Variants in HTT observed in about 807,000 individuals in gnomAD.
HTT encodes the protein huntingtin, also known as huntington disease protein.
Under a neutral mutation model 362.3 loss-of-function variants are expected in HTT, and 104 were observed. That is an observed-to-expected ratio of 0.29 (90% CI 0.24 to 0.34). HTT has a LOEUF of 0.34. Ranked by LOEUF, HTT falls within the 10% of genes least tolerant of loss-of-function variation. The probability of loss-of-function intolerance (pLI) is 1.00; values close to 1 mark genes in which losing one functional copy is unlikely to be tolerated. For synonymous variants in HTT, 1,577 were observed against 1,548.7 expected (o/e 1.02, Z -0.43); for missense variants, 3,301 against 3,928.6 (o/e 0.84, Z 4.27).
intron 4 of HTT, 43 bp from the exon 5 acceptor site, chr4:3,105,314 C>G: frequency 1.6e-6 from 2 of 1,270,228 alleles, no homozygotes; most frequent in Non-Finnish European, 2.3e-6. Flanking sequence ...CTCTTGGTGA[C>G]TAGTATGTGA....
intron 6 of HTT, among the ~76,000 whole-genome samples, chr4:3,108,723 A>G (rs1714566794): frequency 1.3e-5 from 2 of 152,100 alleles, no homozygotes; most frequent in African/African-American, 2.4e-5. Context: ...CTATTCTGCT[A>G]CCTCTCTGCT....
At chr4:3,142,981 C>A in intron 23 of HTT, 95 bp downstream of exon 23, 4 of 930,320 alleles carry the variant, frequency 4.3e-6, no homozygotes, top group Non-Finnish European at 6.7e-6. Context: ...CGGTGAGGTG[C>A]TTGTCTTACA....
At chr4:3,116,691 A>G (rs1420852677) in intron 8 of HTT, among the ~76,000 whole-genome samples, 2 of 152,182 alleles carry the variant, frequency 1.3e-5, no homozygotes, top group Non-Finnish European at 2.9e-5. Context: ...ACGGTGGTAT[A>G]TGCTCACTCA....
Position 3,206,726 on chromosome 4 carries a change from A to G in HTT, c.5898+51A>G. On this transcript the variant is annotated intron_variant, in intron 43 of 66. Coordinates refer to ENST00000355072, the MANE Select transcript of HTT (RefSeq NM_001388492.1). This position sits in a 1 kb window ranked among gnomAD's most constrained non-coding sequence, Gnocchi z 4.6. ...GCCAGTTGCAGTTTTCCCTGCCTTA[A>G]AAATGGAGTATTGAAATTTTTAACT... The G allele has an allele frequency of 1.3e-6, 2 of 1,593,754 alleles. No individual in the cohort carries two copies. The highest frequency in any genetic ancestry group is 1.7e-6 in the Non-Finnish European group (2 of 1,166,312).
rs1714381315 is a variant in HTT at position 3,105,549 on chromosome 4, G to A, written c.608+113G>A. ...TCTGCTCTGCCCTCTCCAAATTGCA[G>A]TCGACCTTGCCCTGTTTATGTTTCC... is the stretch of plus-strand genomic sequence containing the variant. On this transcript the variant is annotated intron_variant, in intron 5 of 66. Coordinates refer to ENST00000355072, the MANE Select transcript of HTT (RefSeq NM_001388492.1). 12 of 745,584 alleles carry A rather than the reference G, an allele frequency of 1.6e-5. No individual in the cohort carries two copies. The East Asian group carries it at 2.8e-4, about 17-fold the overall frequency. 46.2% of individuals were successfully genotyped at this position (745,584 alleles called of 1,614,324 possible).
In HTT at chr4:3,228,355, A is replaced by G. The variant is rs1159897041; in HGVS notation, c.7849-260A>G. 6.6e-6 allele frequency among the ~76,000 whole-genome samples: 1 copy of G among 151,888 alleles called. No individual in the cohort carries two copies. Among genetic ancestry groups the G allele is most frequent in the Non-Finnish European group, 1.5e-5 (1 of 67,964 alleles). ...CCTTCGTAGAGCCTCTTTCTGTGTC[A>G]CCCTCCTCAGCTGCTCCTGGGGTTG... On this transcript the variant is annotated intron_variant, in intron 57 of 66. Transcript: ENST00000355072. The surrounding 1 kb of genome is among the most constrained non-coding windows in gnomAD (Gnocchi z 4.3).
chr4:3,131,550 G>C (rs1224578836), intron 15 of HTT, 88 bp from the exon 16 acceptor site: 3 of 1,554,734 alleles, frequency 1.9e-6, no homozygotes, highest in Non-Finnish European at 2.7e-6. Context: ...GAAATGATGG[G>C]AGCAGGTAGG....
chr4:3,138,399 C>G (rs192087717), intron 21 of HTT, among the ~76,000 whole-genome samples: 2 of 151,966 alleles, frequency 1.3e-5, no homozygotes, highest in African/African-American at 2.4e-5. Context: ...TCCAGCCTTC[C>G]GCCTTGTGAG....
intron 41 of HTT, among the ~76,000 whole-genome samples, chr4:3,201,453 C>G (rs1719525223): frequency 6.8e-6 from 1 of 147,358 alleles, no homozygotes; most frequent in Non-Finnish European, 1.5e-5. Context: ...TCGCTTGAAC[C>G]TAGGAGGAAA....
intron 29 of HTT, among the ~76,000 whole-genome samples, chr4:3,161,136 T>C (rs1717420489): frequency 1.3e-5 from 2 of 152,172 alleles, no homozygotes; most frequent in Non-Finnish European, 2.9e-5. Flanking sequence ...GTGTTCTCAT[T>C]GTTCAATTTC....
intron 1 of HTT, among the ~76,000 whole-genome samples, chr4:3,081,176 A>G (rs932254853): frequency 4.6e-5 from 7 of 152,224 alleles, no homozygotes; most frequent in Non-Finnish European, 1.0e-4. Context: ...CAACTTGGGG[A>G]GTATTCGCAT....
intron 21 of HTT, 64 bp from the exon 22 acceptor site, chr4:3,140,446 G>A (rs188515115): frequency 7.0e-7 from 1 of 1,434,214 alleles, no homozygotes; most frequent in Non-Finnish European, 9.7e-7. Context: ...CAGGGAGGAG[G>A]GTGGTCTATC....
chr4:3,127,311 GTT>G lies in HTT; in HGVS notation c.1452_1453del (p.Ser485HisfsTer8). 6.2e-7 allele frequency: 1 copy of G among 1,614,226 alleles called. No homozygotes were observed. ...ISGELAASSG[V>X]STPGSAGHDI... The stretch of plus-strand genomic sequence containing the variant: ...TGGAGAGCTGGCTGCTTCTTCAGGG[GTT>G]TCCACTCCAGGGTCAGCAGGTCATG... On this transcript the variant is annotated frameshift_variant, in exon 12 of 67. Coordinates refer to ENST00000355072, the MANE Select transcript of HTT (RefSeq NM_001388492.1). LOFTEE classifies it high-confidence loss of function.
chr4:3,156,224 A>G (rs890701212), intron 27 of HTT, among the ~76,000 whole-genome samples: 1 of 152,090 alleles, frequency 6.6e-6, no homozygotes, highest in African/African-American at 2.4e-5. Flanking sequence ...GGTTCAAGCA[A>G]TTCTCCTGCC....
chr4:3,232,374 C>T (rs1404431677), intron 60 of HTT, among the ~76,000 whole-genome samples: 3 of 152,196 alleles, frequency 2.0e-5, no homozygotes, highest in African/African-American at 7.2e-5. Flanking sequence ...AATTCTGTGT[C>T]CCCATAGTCT....
intron 51 of HTT, among the ~76,000 whole-genome samples, chr4:3,217,034 AAAAAAT>A (rs1168097875): frequency 6.6e-6 from 1 of 152,126 alleles, no homozygotes; most frequent in Non-Finnish European, 1.5e-5. Context: ...CAAAAAAAAA[AAAAAAT>A]ATTAATAAAG....
intron 40 of HTT, among the ~76,000 whole-genome samples, chr4:3,197,925 G>T (rs363117): frequency 0.056 from 8,590 of 152,254 alleles, 373 homozygotes; most frequent in South Asian, 0.14. Flanking sequence ...CACTCAGGGG[G>T]CCCATGCAGG....
chr4:3,180,290 T>G (rs983831358), intron 35 of HTT, among the ~76,000 whole-genome samples: 3 of 152,188 alleles, frequency 2.0e-5, no homozygotes, highest in African/African-American at 4.8e-5. Flanking sequence ...CCCTAGGTTT[T>G]TTTTCTTTTT....
intron 53 of HTT, among the ~76,000 whole-genome samples, chr4:3,221,855 A>G (rs1399993013): frequency 1.3e-5 from 2 of 152,238 alleles, no homozygotes; most frequent in Admixed American, 1.3e-4. Context: ...AGGTCAGAGG[A>G]ACCATTACTT....
Sources: allele counts gnomAD v4.1 joint callset (sites outside exome capture counted in the v4.1 genomes callset), GRCh38; gene constraint gnomAD v4.1.1; non-coding constraint Gnocchi (gnomAD v3.1); transcripts MANE v1.5; gene names NCBI Gene and HGNC (gene_info 2026-07-23, HGNC 2026-07-21).